DUSP11: variants seen among roughly 807,000 people sequenced by gnomAD.
The protein encoded by DUSP11 is dual specificity phosphatase 11, also known as RNA/RNP complex-1-interacting phosphatase.
DUSP11 carries 27 observed loss-of-function variants against 41.4 expected under a neutral mutation model. That is an observed-to-expected ratio of 0.65 (90% confidence interval 0.48 to 0.90). The LOEUF is 0.90. Among genes scored for constraint, DUSP11 ranks in the 40% least tolerant of loss-of-function variants. DUSP11 has a pLI of 0.00. For synonymous variants in DUSP11, 188 were observed against 159.3 expected (o/e 1.18, Z -1.35); for missense variants, 465 against 461.1 (o/e 1.01, Z -0.08).
chr2:73,769,019 T>C, intron 5 of DUSP11: 1 of 360,188 alleles, frequency 2.8e-6, no homozygotes. Flanking sequence ...GTCTATCACA[T>C]ATTAAATTAA....
At chr2:73,778,510 C>A in intron 1 of DUSP11, 134 bp from the exon 2 acceptor site, 1 of 527,512 alleles carries the variant, frequency 1.9e-6, no homozygotes, top group Non-Finnish European at 3.2e-6. Context: ...TTTCGCCACT[C>A]CACTTATTAA....
At chr2:73,777,463 T>C (rs1395544824) in intron 2 of DUSP11, among the ~76,000 whole-genome samples, 1 of 152,250 alleles carries the variant, frequency 6.6e-6, no homozygotes, top group Admixed American at 6.5e-5. Flanking sequence ...AAAACAATTA[T>C]TTGTCTTCAC....
chr2:73,777,651 G>A (rs763096511), intron 2 of DUSP11, among the ~76,000 whole-genome samples: 1 of 152,144 alleles, frequency 6.6e-6, no homozygotes, highest in Non-Finnish European at 1.5e-5. Flanking sequence ...GCATTCAGTG[G>A]GTAAGGGTTA....
intron 1 of DUSP11, chr2:73,779,581 T>C (rs993680811): frequency 4.5e-6 from 2 of 443,158 alleles, no homozygotes; most frequent in South Asian, 5.8e-5. Flanking sequence ...ATTTTGGGAA[T>C]TAAGGAGTGT....
At chr2:73,766,866 T>C in exon 7 of DUSP11, 1 of 1,613,512 alleles carries the variant, frequency 6.2e-7, no homozygotes, top group Non-Finnish European at 8.5e-7. Flanking sequence ...CAATGTAGTT[T>C]TGTCTTTCTA....
At chr2:73,766,829 T>C in exon 7 of DUSP11, 1 of 1,610,096 alleles carries the variant, frequency 6.2e-7, no homozygotes, top group Non-Finnish European at 8.5e-7. Flanking sequence ...AAGACTTACT[T>C]TCTGATAGGA....
Position 73,769,335 on chromosome 2 carries a change from G to GA in DUSP11, c.575-11dup. On this transcript the variant is annotated splice_polypyrimidine_tract_variant and intron_variant, in intron 4 of 8. Coordinates refer to ENST00000272444, the Ensembl canonical transcript of DUSP11. The stretch of plus-strand genomic sequence containing the variant: ...ACACCAATAAGTTTATCTATAAAAA[G>GA]AAAATACAGGGTTAAGTAACTGAAG... 1 of 1,596,170 alleles carries GA rather than the reference G, an allele frequency of 6.3e-7. No individual in the cohort carries two copies. Among genetic ancestry groups the GA allele is most frequent in the Non-Finnish European group, 8.6e-7 (1 of 1,164,726 alleles).
exon 8 of DUSP11, chr2:73,766,534 T>C (rs1672469351): frequency 1.4e-5 from 22 of 1,614,014 alleles, no homozygotes; most frequent in Non-Finnish European, 1.7e-5. Flanking sequence ...TGTGGACTGG[T>C]TGCATGAGAT....
In DUSP11 at chr2:73,774,942, T is replaced by TA. The variant is rs1558534878; in HGVS notation, c.420_421insT (p.Thr141TyrfsTer8). ...GGTTTATAATAGCGTTGAGTATATGTTAAATCAATAATCAGTCCAAGTTCT... is the reference window on the plus strand; with the variant it reads ...GGTTTATAATAGCGTTGAGTATATGTATAAATCAATAATCAGTCCAAGTTCT... On this transcript the variant is annotated frameshift_variant, in exon 3 of 9. Coordinates refer to ENST00000272444, the Ensembl canonical transcript of DUSP11. LOFTEE classifies it high-confidence loss of function. 1 of 1,609,866 alleles carries TA rather than the reference T, an allele frequency of 6.2e-7. No individual in the cohort carries two copies. The highest frequency in any genetic ancestry group is 8.5e-7 in the Non-Finnish European group (1 of 1,177,714).
intron 5 of DUSP11, 87 bp downstream of exon 5, chr2:73,769,178 C>T: frequency 2.7e-6 from 3 of 1,128,730 alleles, no homozygotes; most frequent in Non-Finnish European, 4.0e-6. Context: ...TATTTCTATA[C>T]CAGTTCCATT....
intron 4 of DUSP11, among the ~76,000 whole-genome samples, chr2:73,771,858 T>G (rs1672587158): frequency 7.0e-6 from 1 of 143,486 alleles, no homozygotes; most frequent in Non-Finnish European, 1.5e-5. Context: ...TCTTGCTCTG[T>G]CCCCCAGGCT....
intron 1 of DUSP11, chr2:73,779,491 CAG>C (rs1326537918): frequency 4.5e-6 from 1 of 222,106 alleles, no homozygotes; most frequent in Non-Finnish European, 9.1e-6. Flanking sequence ...TGTGAGATCT[CAG>C]GGCGCTACTA....
chr2:73,778,386 A>G lies in DUSP11; in HGVS notation c.243-10T>C. The G allele has an allele frequency of 2.0e-6, 3 of 1,497,340 alleles. No homozygotes were observed. 92.8% of individuals were successfully genotyped at this position (1,497,340 alleles called of 1,614,324 possible). On this transcript the variant is annotated splice_polypyrimidine_tract_variant and intron_variant, in intron 1 of 8. Transcript: ENST00000272444. The stretch of plus-strand genomic sequence containing the variant: ...GAGATAGTCTTTCCACCTATTAGAT[A>G]TATTTTTTGTTAGCCAAATTGTATG...
intron 1 of DUSP11, among the ~76,000 whole-genome samples, chr2:73,779,227 C>G (rs1286840339): frequency 6.6e-6 from 1 of 152,156 alleles, no homozygotes; most frequent in African/African-American, 2.4e-5. Flanking sequence ...TGCAATAAGT[C>G]AGGCAAGACC....
At chr2:73,776,413 C>CAAAAAAA (rs70965758) in intron 2 of DUSP11, among the ~76,000 whole-genome samples, 3 of 99,412 alleles carry the variant, frequency 3.0e-5, no homozygotes, top group Non-Finnish European at 1.9e-5. Context: ...GACACCATCT[C>CAAAAAAA]AAAAAAAAAA....
intron 2 of DUSP11, among the ~76,000 whole-genome samples, chr2:73,776,400 C>T (rs571279053): frequency 4.8e-5 from 6 of 126,038 alleles, no homozygotes; most frequent in Admixed American, 2.0e-4. Context: ...GGGCGACAAG[C>T]GAGACACCAT....
rs755310634 is a variant in DUSP11, at chr2:73,775,861, ATT to A, written c.319-819_319-818del. The stretch of plus-strand genomic sequence containing the variant: ...AGAGTGACTCCATCTCAAAAAAAAA[ATT>A]TAAAAAAAAAAAAAAAAAAAAAAAA... On this transcript the variant is annotated intron_variant, in intron 2 of 8. Transcript: ENST00000272444. Among the ~76,000 whole-genome samples, 9 of 80,684 alleles carry A rather than the reference ATT, an allele frequency of 1.1e-4. 1 individual carries two copies. Among genetic ancestry groups the A allele is most frequent in the Middle Eastern group, 0.015 (2 of 134 alleles). The allele number at this position is 80,684 out of a possible 152,430, so 52.9% of individuals were successfully genotyped here.
exon 5 of DUSP11, chr2:73,769,323 T>C: frequency 6.2e-7 from 1 of 1,610,320 alleles, no homozygotes; most frequent in Non-Finnish European, 8.5e-7. Flanking sequence ...CCAATAAGTT[T>C]ATCTATAAAA....
intron 2 of DUSP11, 45 bp from the exon 3 acceptor site, chr2:73,775,089 T>C: frequency 6.4e-7 from 1 of 1,552,320 alleles, no homozygotes; most frequent in Non-Finnish European, 8.8e-7. Flanking sequence ...CTTAAAATCC[T>C]GTACTACATT....
Sources: allele counts gnomAD v4.1 joint callset (sites outside exome capture counted in the v4.1 genomes callset), GRCh38; gene constraint gnomAD v4.1.1; transcripts MANE v1.5; gene names NCBI Gene and HGNC (gene_info 2026-07-23, HGNC 2026-07-21).